Variants in THSD7B observed in about 807,000 individuals in gnomAD.
THSD7B encodes the protein thrombospondin type-1 domain-containing protein 7B.
Under a neutral mutation model 213.6 loss-of-function variants are expected in THSD7B, and 138 were observed. The observed-to-expected ratio is 0.65, with a 90% confidence interval of 0.56 to 0.74. The LOEUF is 0.74. Ranked by LOEUF, THSD7B falls within the 30% of genes least tolerant of loss-of-function variation. The pLI is 0.00. For missense variants in THSD7B, 1,931 were observed against 1,991.5 expected (o/e 0.97, Z 0.58); for synonymous variants, 742 against 687.0 (o/e 1.08, Z -1.25).
chr2:137,119,717 G>C (rs1409306245), intron 5 of THSD7B, among the ~76,000 whole-genome samples: 1 of 152,010 alleles, frequency 6.6e-6, no homozygotes, highest in Non-Finnish European at 1.5e-5. Flanking sequence ...TCCCCCTACT[G>C]TAGATTTTTA....
At chr2:136,830,534 A>G (rs1199869096) in intron 1 of THSD7B, among the ~76,000 whole-genome samples, 1 of 152,130 alleles carries the variant, frequency 6.6e-6, no homozygotes, top group Non-Finnish European at 1.5e-5. Context: ...CATTAACCTT[A>G]AAGTATTTGG....
chr2:137,632,315 C>T (rs1463135483), intron 20 of THSD7B, among the ~76,000 whole-genome samples: 1 of 152,052 alleles, frequency 6.6e-6, no homozygotes, highest in African/African-American at 2.4e-5. Flanking sequence ...AATTTTAAAC[C>T]TTCTAAATAT....
chr2:137,071,346 A>G (rs1228185353), intron 3 of THSD7B, among the ~76,000 whole-genome samples: 2 of 152,184 alleles, frequency 1.3e-5, no homozygotes, highest in East Asian at 1.9e-4. Context: ...TTTGCTGCAT[A>G]AATGTCTTCT....
rs147526190 is a variant in THSD7B at position 136,788,641 on chromosome 2, T to C, written c.-36+22954T>C. Reference sequence around the variant, plus strand: ...CCATTCTCTCTTCACTTCAAATTAATTTCTTAGAACTAAAGCAGGATAAAT... The same window carrying C: ...CCATTCTCTCTTCACTTCAAATTAACTTCTTAGAACTAAAGCAGGATAAAT... On this transcript the variant is annotated intron_variant, in intron 1 of 27. Transcript: ENST00000409968. 4.5e-3 allele frequency among the ~76,000 whole-genome samples: 690 copies of C among 152,292 alleles called. 4 individuals carry two copies. The highest frequency in any genetic ancestry group is 0.016 in the African/African-American group (660 of 41,566).
chr2:137,069,110 T>C (rs1030882246), intron 3 of THSD7B, among the ~76,000 whole-genome samples: 2 of 152,072 alleles, frequency 1.3e-5, no homozygotes, highest in African/African-American at 4.8e-5. Flanking sequence ...TCTTTTGCTT[T>C]TACTTGTCTC....
chr2:137,455,394 T>G (rs1687743932), intron 15 of THSD7B, among the ~76,000 whole-genome samples: 1 of 152,208 alleles, frequency 6.6e-6, no homozygotes, highest in Non-Finnish European at 1.5e-5. Flanking sequence ...ACAATTTTCC[T>G]GGAACATCTT....
At chr2:137,224,014 A>G (rs117508590) in intron 7 of THSD7B, among the ~76,000 whole-genome samples, 2 of 152,168 alleles carry the variant, frequency 1.3e-5, no homozygotes, top group South Asian at 4.1e-4. Context: ...CTGTGGAACC[A>G]TGAGCCAATT....
chr2:137,100,366 G>T (rs1688126342), intron 4 of THSD7B, among the ~76,000 whole-genome samples: 2 of 152,016 alleles, frequency 1.3e-5, no homozygotes, highest in South Asian at 4.2e-4. Context: ...TTTGTCTTAA[G>T]AATCTTGTTT....
At chr2:137,521,785 T>A (rs115388969) in intron 15 of THSD7B, among the ~76,000 whole-genome samples, 1,790 of 152,154 alleles carry the variant, frequency 0.012, 14 homozygotes, top group Non-Finnish European at 0.019. Flanking sequence ...TCTTAGCATA[T>A]GGTCACCATG....
At chr2:136,985,210 A>G (rs559931961) in intron 2 of THSD7B, among the ~76,000 whole-genome samples, 3 of 152,300 alleles carry the variant, frequency 2.0e-5, no homozygotes, top group Non-Finnish European at 2.9e-5. Flanking sequence ...GATTAGCAGG[A>G]TTGGAAGGGA....
intron 17 of THSD7B, among the ~76,000 whole-genome samples, chr2:137,607,236 C>T (rs1193949601): frequency 1.3e-5 from 2 of 149,674 alleles, no homozygotes; most frequent in Non-Finnish European, 2.9e-5. Context: ...ATGAAATTTG[C>T]ACCACCAATT....
chr2:137,164,090 T>A (rs7573120), intron 6 of THSD7B, among the ~76,000 whole-genome samples: 1 of 152,064 alleles, frequency 6.6e-6, no homozygotes, highest in Non-Finnish European at 1.5e-5. Context: ...AGGAGACAAG[T>A]TATGGGGCAT....
At chr2:137,143,996 T>A (rs963899863) in intron 5 of THSD7B, among the ~76,000 whole-genome samples, 3 of 152,134 alleles carry the variant, frequency 2.0e-5, no homozygotes, top group Admixed American at 2.0e-4. Flanking sequence ...TGCCTTCTAA[T>A]TTCAAGATGA....
intron 7 of THSD7B, among the ~76,000 whole-genome samples, chr2:137,188,083 G>A (rs13008019): frequency 0.046 from 7,018 of 152,206 alleles, 199 homozygotes; most frequent in Admixed American, 0.069. Flanking sequence ...GTAGGTACTC[G>A]ATATTTAAAG....
intron 5 of THSD7B, among the ~76,000 whole-genome samples, chr2:137,121,508 G>T (rs773180564): frequency 6.6e-6 from 1 of 152,170 alleles, no homozygotes; most frequent in Non-Finnish European, 1.5e-5. Flanking sequence ...ATGTGGCATC[G>T]TGGAGAAGGG....
intron 2 of THSD7B, among the ~76,000 whole-genome samples, chr2:136,886,940 C>T (rs1038182752): frequency 1.3e-5 from 2 of 152,002 alleles, no homozygotes; most frequent in African/African-American, 4.8e-5. Flanking sequence ...TTGAGAGCTA[C>T]TACCAAAGAG....
intron 2 of THSD7B, among the ~76,000 whole-genome samples, chr2:136,972,698 G>A (rs2104800818): frequency 6.6e-6 from 1 of 152,162 alleles, no homozygotes. Flanking sequence ...AATAAACTAG[G>A]GTTTAAGACA....
chr2:137,661,479 C>T (rs1167479421), intron 25 of THSD7B, among the ~76,000 whole-genome samples: 1 of 151,632 alleles, frequency 6.6e-6, no homozygotes, highest in African/African-American at 2.4e-5. Context: ...AGAAGTAAGC[C>T]TACAAGCAGA....
chr2:137,227,693 G>A (rs1391140175), intron 7 of THSD7B, among the ~76,000 whole-genome samples: 1 of 152,142 alleles, frequency 6.6e-6, no homozygotes, highest in African/African-American at 2.4e-5. Flanking sequence ...AGATGGTTTA[G>A]ATTAGCCAAC....
Sources: gnomAD v4.1 joint callset for allele counts (sites outside exome capture counted in the v4.1 genomes callset) on GRCh38, gnomAD v4.1.1 for gene constraint, MANE v1.5 for transcripts, NCBI Gene and HGNC (gene_info 2026-07-23, HGNC 2026-07-21) for gene names.